Variants in DNMBP observed in about 807,000 individuals in gnomAD.
DNMBP encodes dynamin binding protein.
DNMBP carries 87 observed loss-of-function variants against 150.0 expected under a neutral mutation model. The ratio of observed to expected loss-of-function variants is 0.58; its 90% CI spans 0.49 to 0.69. DNMBP has a LOEUF of 0.69. Ranked by LOEUF, DNMBP falls within the 30% of genes least tolerant of loss-of-function variation. The pLI, the probability that DNMBP is intolerant of heterozygous loss-of-function variation, is 0.00. For missense variants in DNMBP, 1,774 were observed against 1,949.0 expected, an observed-to-expected ratio of 0.91 and a Z score of 1.69; for synonymous variants, 711 against 750.4, an observed-to-expected ratio of 0.95 and a Z score of 0.86.
rs115686029 is a variant in DNMBP at position 99,956,676 on chromosome 10, G to A, written c.798C>T (p.Val266=). ...ALEPNELDFE[V]GDKIRILATL... ...TCGCCAGAATTCGGATTTTATCCCC[G>A]ACCTCGAAATCCAGCTCATTTGGCT... is the stretch of plus-strand genomic sequence containing the variant. The change falls in exon 4 of 17, where the codon GTC becomes GTT. Residue 266 remains valine (V), a synonymous_variant. Transcript: ENST00000324109. The A allele has an allele frequency of 1.3e-5, 21 of 1,613,506 alleles. No individual in the cohort carries two copies. The highest frequency in any genetic ancestry group is 3.3e-5 in the South Asian group (3 of 91,066).
At chr10:99,906,571 C>T (rs975598846) in intron 6 of DNMBP, among the ~76,000 whole-genome samples, 3 of 152,288 alleles carry the variant, frequency 2.0e-5, no homozygotes, top group African/African-American at 4.8e-5. Context: ...CTTGCTCTTG[C>T]GTGCTCTCTC....
chr10:99,894,537 T>C (rs527332090), intron 11 of DNMBP, among the ~76,000 whole-genome samples: 2 of 152,322 alleles, frequency 1.3e-5, no homozygotes, highest in South Asian at 2.1e-4. Context: ...TCAGAAAGCA[T>C]ACCACATAGG....
At chr10:99,977,809 T>C (rs557937903) in intron 1 of DNMBP, among the ~76,000 whole-genome samples, 6 of 152,324 alleles carry the variant, frequency 3.9e-5, no homozygotes, top group African/African-American at 1.2e-4. Context: ...CCTGTCACAA[T>C]ATATGAAACT....
intron 4 of DNMBP, among the ~76,000 whole-genome samples, chr10:99,909,812 A>T (rs1180988406): frequency 6.6e-6 from 1 of 152,246 alleles, no homozygotes; most frequent in Non-Finnish European, 1.5e-5. Context: ...ATAAACATGA[A>T]GCTTATCAAT....
In DNMBP at chr10:99,915,404, T is replaced by A. The variant is rs116315113; in HGVS notation, c.2261-6258A>T. 3.4e-3 allele frequency among the ~76,000 whole-genome samples: 499 copies of A among 144,684 alleles called. 2 individuals carry two copies. Among genetic ancestry groups the A allele is most frequent in the Non-Finnish European group, 5.7e-3 (376 of 66,080 alleles). The allele number at this position is 144,684 out of a possible 152,430, so 94.9% of individuals were successfully genotyped here. ...TTTAACCTCACAGGAACAAAATAAT[T>A]AAAAAAAAAAAAGTCATACTGGCTG... On this transcript the variant is annotated intron_variant, in intron 4 of 16. Coordinates refer to ENST00000324109, the MANE Select transcript of DNMBP (RefSeq NM_015221.4).
intron 4 of DNMBP, among the ~76,000 whole-genome samples, chr10:99,920,366 C>T (rs139619569): frequency 0.012 from 1,795 of 151,960 alleles, 35 homozygotes; most frequent in African/African-American, 0.041. Flanking sequence ...TGAGCCACCG[C>T]GCCCAGCCCT....
intron 6 of DNMBP, among the ~76,000 whole-genome samples, chr10:99,901,948 G>A (rs1330092800): frequency 1.3e-5 from 2 of 152,006 alleles, no homozygotes; most frequent in Non-Finnish European, 2.9e-5. Flanking sequence ...CGTTGCCCAG[G>A]CTGGAGTGCA....
At chr10:99,908,922 G>A (rs769994123) in intron 5 of DNMBP, 31 bp downstream of exon 5, 1 of 1,592,896 alleles carries the variant, frequency 6.3e-7, no homozygotes, top group Non-Finnish European at 8.6e-7. Context: ...CCATATTCAA[G>A]GTCAAACTAA....
At chr10:99,908,200 C>A in intron 5 of DNMBP, 106 bp from the exon 6 acceptor site, 1 of 744,852 alleles carries the variant, frequency 1.3e-6, no homozygotes, top group Non-Finnish European at 2.3e-6. Flanking sequence ...TGCTCAAGGT[C>A]ACTTTCTTCA....
At chr10:99,973,366 G>C (rs1189860772) in intron 1 of DNMBP, among the ~76,000 whole-genome samples, 1 of 152,160 alleles carries the variant, frequency 6.6e-6, no homozygotes, top group Non-Finnish European at 1.5e-5. Context: ...GCAAATGTAG[G>C]CTTTTCAGAA....
At chr10:99,945,592 A>C (rs889899087) in intron 4 of DNMBP, among the ~76,000 whole-genome samples, 1 of 152,258 alleles carries the variant, frequency 6.6e-6, no homozygotes, top group African/African-American at 2.4e-5. Flanking sequence ...TTGCAAACAA[A>C]GTAAGTCCTT....
chr10:99,970,196 C>T (rs11190346), intron 2 of DNMBP, among the ~76,000 whole-genome samples: 68,305 of 151,946 alleles, frequency 0.45, 16,150 homozygotes, highest in African/African-American at 0.59. Context: ...AGCTGAGATA[C>T]CATTTCTACT....
chr10:99,969,852 A>G (rs995075489), intron 2 of DNMBP, among the ~76,000 whole-genome samples: 2 of 152,172 alleles, frequency 1.3e-5, no homozygotes, highest in Non-Finnish European at 2.9e-5. Flanking sequence ...GGATTACTGC[A>G]GCGACCTTCC....
intron 1 of DNMBP, among the ~76,000 whole-genome samples, chr10:100,007,545 C>A (rs1352525875): frequency 6.6e-6 from 1 of 151,978 alleles, no homozygotes; most frequent in Admixed American, 6.5e-5. Context: ...ACTCCTCACA[C>A]AATGCCCTAT....
At chr10:99,931,565 T>G (rs1263983653) in intron 4 of DNMBP, among the ~76,000 whole-genome samples, 2 of 152,236 alleles carry the variant, frequency 1.3e-5, no homozygotes, top group Non-Finnish European at 2.9e-5. Context: ...ATACTTGTCA[T>G]GCCAGGGAAG....
At chr10:99,926,224 A>G (rs983361328) in intron 4 of DNMBP, among the ~76,000 whole-genome samples, 1 of 152,200 alleles carries the variant, frequency 6.6e-6, no homozygotes, top group Non-Finnish European at 1.5e-5. Context: ...CTCACATTGT[A>G]CTAATCTCCC....
At chr10:99,892,196 AG>A (rs1334067889) in intron 11 of DNMBP, among the ~76,000 whole-genome samples, 10 of 143,914 alleles carry the variant, frequency 6.9e-5, no homozygotes. Context: ...CTGCCCGGCC[AG>A]CCGCCCCGTC....
chr10:99,958,964 A>T (rs551808032), intron 3 of DNMBP, among the ~76,000 whole-genome samples: 15 of 152,380 alleles, frequency 9.8e-5, no homozygotes, highest in Non-Finnish European at 2.1e-4. Flanking sequence ...TTATTTGAAA[A>T]GACTATTAAA....
At chr10:99,970,361 G>A (rs1279925491) in intron 2 of DNMBP, among the ~76,000 whole-genome samples, 1 of 152,152 alleles carries the variant, frequency 6.6e-6, no homozygotes, top group African/African-American at 2.4e-5. Context: ...CCTTCCCTAG[G>A]CTTATTAATG....
Sources: gnomAD v4.1 joint callset for allele counts (sites outside exome capture counted in the v4.1 genomes callset) on GRCh38, gnomAD v4.1.1 for gene constraint, MANE v1.5 for transcripts, NCBI Gene and HGNC (gene_info 2026-07-23, HGNC 2026-07-21) for gene names.